Variants in PDE11A observed in about 807,000 individuals in gnomAD.
PDE11A encodes phosphodiesterase 11A.
PDE11A carries 100 observed loss-of-function variants against 100.5 expected under a neutral mutation model. The observed-to-expected ratio is 1.00, with a 90% CI of 0.85 to 1.18. The LOEUF is 1.18. Ranked by LOEUF, PDE11A falls within the 50% of genes most tolerant of loss-of-function variation. PDE11A has a pLI of 0.00. For synonymous variants in PDE11A, 381 were observed against 420.8 expected, an observed-to-expected ratio of 0.91 and a Z score of 1.16; for missense variants, 1,141 against 1,152.6, an observed-to-expected ratio of 0.99 and a Z score of 0.15.
chr2:177,764,964 A>G (rs530991597), intron 10 of PDE11A, among the ~76,000 whole-genome samples: 16 of 152,372 alleles, frequency 1.1e-4, no homozygotes, highest in Admixed American at 2.0e-4. Context: ...TAAATGATAT[A>G]TCAGAATCAG....
At chr2:177,958,324 A>T (rs2085591909) in intron 2 of PDE11A, among the ~76,000 whole-genome samples, 1 of 152,240 alleles carries the variant, frequency 6.6e-6, no homozygotes, top group Non-Finnish European at 1.5e-5. Flanking sequence ...TGTGAGCAGC[A>T]CAAGGCCATC....
Position 177,840,393 on chromosome 2 carries a change from C to T in PDE11A, c.1368-10G>A. On this transcript the variant is annotated splice_polypyrimidine_tract_variant and intron_variant, in intron 5 of 19. Transcript: ENST00000286063. ...CATGCTTTCTTTGAAACTATCAGAG[C>T]ACCAAGGTAGGCAGGAAGAAAAGAG... The T allele has an allele frequency of 1.2e-6, 2 of 1,613,226 alleles. No homozygotes were observed. Among genetic ancestry groups the T allele is most frequent in the Non-Finnish European group, 1.7e-6 (2 of 1,179,302 alleles).
intron 5 of PDE11A, among the ~76,000 whole-genome samples, chr2:177,857,036 A>C (rs1052935195): frequency 2.0e-5 from 3 of 152,036 alleles, no homozygotes; most frequent in Non-Finnish European, 4.4e-5. Flanking sequence ...ATGACAAGAA[A>C]AAATCTTGAA....
intron 4 of PDE11A, among the ~76,000 whole-genome samples, chr2:177,895,546 T>G (rs1269169791): frequency 6.9e-6 from 1 of 145,010 alleles, no homozygotes; most frequent in Non-Finnish European, 1.5e-5. Context: ...AGGGCGAGAC[T>G]CCACCTCAAA....
chr2:177,662,386 T>C (rs1300796303), intron 19 of PDE11A, among the ~76,000 whole-genome samples: 7 of 152,246 alleles, frequency 4.6e-5, no homozygotes, highest in African/African-American at 1.7e-4. Context: ...GTAAAAGGAA[T>C]GTAGTAATTG....
At chr2:177,786,542 G>A (rs769594516) in intron 9 of PDE11A, among the ~76,000 whole-genome samples, 152 of 152,356 alleles carry the variant, frequency 1.0e-3, no homozygotes, top group Non-Finnish European at 1.7e-3. Flanking sequence ...GACGGAGAAT[G>A]ACTTTGACGA....
chr2:177,935,585 C>T (rs1026876187), intron 2 of PDE11A, among the ~76,000 whole-genome samples: 6 of 152,188 alleles, frequency 3.9e-5, no homozygotes, highest in Non-Finnish European at 7.3e-5. Context: ...TACCCCTCCA[C>T]TCCCTCCACA....
intron 14 of PDE11A, 107 bp downstream of exon 14, chr2:177,701,014 T>G (rs1335670697): frequency 5.7e-5 from 43 of 752,742 alleles, no homozygotes; most frequent in East Asian, 4.2e-4. Flanking sequence ...AGAAATGGTT[T>G]TCCCACTGCT....
upstream of PDE11A, among the ~76,000 whole-genome samples, chr2:178,073,455 A>C (rs961099237): frequency 6.6e-6 from 1 of 152,228 alleles, no homozygotes; most frequent in Admixed American, 6.5e-5. Context: ...AGGTAGAGGA[A>C]GTAAGTGCTG....
At chr2:177,882,340 G>T (rs2084357071) in intron 4 of PDE11A, among the ~76,000 whole-genome samples, 2 of 152,046 alleles carry the variant, frequency 1.3e-5, no homozygotes, top group South Asian at 4.2e-4. Context: ...TTAAATATTT[G>T]GATATAATTT....
At position 177,626,245 on chromosome 2, in the gene PDE11A, G is replaced by T. The variant is rs1164135324; in HGVS notation, c.*3162C>A. 6.6e-6 allele frequency: 1 copy of T among 152,578 alleles called. No homozygotes were observed. The highest frequency in any genetic ancestry group is 1.5e-5 in the Non-Finnish European group (1 of 68,052). 9.5% of individuals were successfully genotyped at this position (152,578 alleles called of 1,614,324 possible). Reference sequence around the variant, plus strand: ...TGTTCAGGATAGCTACAGTGCTCACGGCAGCCTGCAGTCTCTGTCAGACCC... The same window carrying T: ...TGTTCAGGATAGCTACAGTGCTCACTGCAGCCTGCAGTCTCTGTCAGACCC... On this transcript the variant is annotated 3_prime_UTR_variant, in exon 20 of 20. Coordinates refer to ENST00000286063, the MANE Select transcript of PDE11A (RefSeq NM_016953.4).
intron 10 of PDE11A, among the ~76,000 whole-genome samples, chr2:177,740,114 A>G (rs2081851707): frequency 6.6e-6 from 1 of 152,232 alleles, no homozygotes; most frequent in Non-Finnish European, 1.5e-5. Flanking sequence ...CAGTTCTGTT[A>G]GACTGTTATT....
intron 10 of PDE11A, among the ~76,000 whole-genome samples, chr2:177,752,107 T>C (rs2082033444): frequency 6.6e-6 from 1 of 152,202 alleles, no homozygotes; most frequent in Non-Finnish European, 1.5e-5. Context: ...CTGAGATCAG[T>C]GACCTGTTGA....
At chr2:177,778,732 G>C (rs2082412854) in intron 9 of PDE11A, among the ~76,000 whole-genome samples, 1 of 152,156 alleles carries the variant, frequency 6.6e-6, no homozygotes, top group African/African-American at 2.4e-5. Flanking sequence ...CATACTCCAG[G>C]ATTTCTTAAC....
intron 2 of PDE11A, among the ~76,000 whole-genome samples, chr2:177,916,743 T>C (rs2084958763): frequency 6.6e-6 from 1 of 150,952 alleles, no homozygotes; most frequent in Non-Finnish European, 1.5e-5. Context: ...TATTTTATTT[T>C]ATTTTATTAT....
intron 15 of PDE11A, among the ~76,000 whole-genome samples, chr2:177,682,349 C>T (rs551630378): frequency 7.2e-4 from 110 of 152,296 alleles, no homozygotes; most frequent in African/African-American, 2.2e-3. Context: ...GTAGCCCAGC[C>T]GCCTTGGGCC....
chr2:177,963,341 A>G (rs1354138752), intron 2 of PDE11A, among the ~76,000 whole-genome samples: 1 of 152,170 alleles, frequency 6.6e-6, no homozygotes, highest in East Asian at 1.9e-4. Context: ...GTAACCCAGC[A>G]TTCCACATAC....
intron 5 of PDE11A, among the ~76,000 whole-genome samples, chr2:177,843,916 G>GT (rs1395646090): frequency 1.3e-5 from 2 of 152,204 alleles, no homozygotes; most frequent in African/African-American, 4.8e-5. Flanking sequence ...TTCAGGTGTT[G>GT]TAATCTAGCT....
intron 5 of PDE11A, among the ~76,000 whole-genome samples, chr2:177,865,589 C>T (rs1010948311): frequency 2.0e-5 from 3 of 151,688 alleles, no homozygotes; most frequent in African/African-American, 7.3e-5. Context: ...TTCTTAATAG[C>T]CAAAAAAGTA....
Sources: gnomAD v4.1 joint callset for allele counts (sites outside exome capture counted in the v4.1 genomes callset) on GRCh38, gnomAD v4.1.1 for gene constraint, MANE v1.5 for transcripts, NCBI Gene and HGNC (gene_info 2026-07-23, HGNC 2026-07-21) for gene names.